Variants in KDELR2 observed in about 807,000 individuals in gnomAD.
The protein encoded by KDELR2 is ER lumen protein-retaining receptor 2.
A neutral mutation model predicts 23.9 loss-of-function variants in KDELR2; 15 were observed. The ratio of observed to expected loss-of-function variants is 0.63; its 90% CI spans 0.42 to 0.97. The LOEUF (loss-of-function observed/expected upper bound fraction) is 0.97, where lower values mean the gene tolerates loss of function less well. KDELR2 is among the 50% of genes least tolerant of loss of function. The pLI, the probability that KDELR2 is intolerant of heterozygous loss-of-function variation, is 0.00. For missense variants in KDELR2, 272 were observed against 254.6 expected (o/e 1.07, Z -0.46); for synonymous variants, 119 against 106.2 (o/e 1.12, Z -0.74).
In KDELR2 at chr7:6,462,385, G is replaced by A. The variant is rs1785407818; in HGVS notation, c.*756C>T. On this transcript the variant is annotated 3_prime_UTR_variant, in exon 5 of 5. Transcript: ENST00000258739. Reference sequence around the variant, plus strand: ...ACCCCTCCCATCCCACACTCAGATGGAAAGCAGCCAGAACCCCTGCCACTG... The same window carrying A: ...ACCCCTCCCATCCCACACTCAGATGAAAAGCAGCCAGAACCCCTGCCACTG... The A allele has an allele frequency of 6.5e-6, 1 of 152,796 alleles. No individual in the cohort carries two copies. The highest frequency in any genetic ancestry group is 2.1e-4 in the South Asian group (1 of 4,842). 9.5% of individuals were successfully genotyped at this position (152,796 alleles called of 1,614,324 possible).
chr7:6,466,739 G>A (rs954876871), intron 3 of KDELR2, among the ~76,000 whole-genome samples: 2 of 151,600 alleles, frequency 1.3e-5, no homozygotes, highest in Non-Finnish European at 2.9e-5. Context: ...CAGATCATCA[G>A]GCATTAGATT....
chr7:6,473,082 A>ATTTTTTT (rs1206035683), intron 2 of KDELR2, among the ~76,000 whole-genome samples: 3 of 94,888 alleles, frequency 3.2e-5, no homozygotes, highest in Non-Finnish European at 5.8e-5. Flanking sequence ...TAATTTTTGT[A>ATTTTTTT]TTTTTTTTTT....
At chr7:6,470,692 C>A (rs960053985) in intron 2 of KDELR2, among the ~76,000 whole-genome samples, 2 of 152,102 alleles carry the variant, frequency 1.3e-5, no homozygotes, top group African/African-American at 4.8e-5. Flanking sequence ...AGGAGGTACT[C>A]CTTATAATTT....
At chr7:6,471,421 C>A (rs1785639212) in intron 2 of KDELR2, among the ~76,000 whole-genome samples, 1 of 152,066 alleles carries the variant, frequency 6.6e-6, no homozygotes, top group Non-Finnish European at 1.5e-5. Flanking sequence ...CTCAGGTGAT[C>A]TGCCTGCCTC....
Position 6,462,869 on chromosome 7 carries a change from A to G in KDELR2, c.*272T>C. ...AATCTTCACTTTTGGAACTATCCCAATTGAAGCTACACACTGAATTTATTA... is the reference window on the plus strand; with the variant it reads ...AATCTTCACTTTTGGAACTATCCCAGTTGAAGCTACACACTGAATTTATTA... On this transcript the variant is annotated 3_prime_UTR_variant, in exon 5 of 5. Coordinates refer to ENST00000258739, the MANE Select transcript of KDELR2 (RefSeq NM_006854.4). The G allele has an allele frequency of 9.3e-7, 1 of 1,077,688 alleles. No homozygotes were observed. Among genetic ancestry groups the G allele is most frequent in the Non-Finnish European group, 1.3e-6 (1 of 770,626 alleles). The allele number at this position is 1,077,688 out of a possible 1,614,324, so 66.8% of individuals were successfully genotyped here.
chr7:6,463,488 T>C (rs545204805), intron 4 of KDELR2, among the ~76,000 whole-genome samples: 1 of 152,022 alleles, frequency 6.6e-6, no homozygotes, highest in African/African-American at 2.4e-5. Context: ...CCCAGTACTT[T>C]GGCAGGCCAG....
chr7:6,464,862 A>G (rs545294424), intron 4 of KDELR2, among the ~76,000 whole-genome samples: 72 of 151,460 alleles, frequency 4.8e-4, no homozygotes, highest in African/African-American at 1.7e-3. Flanking sequence ...CAGCCCCCCA[A>G]GTAGCTGGGA....
intron 1 of KDELR2, chr7:6,482,472 C>A: frequency 2.4e-6 from 1 of 419,084 alleles, no homozygotes; most frequent in African/African-American, 2.1e-5. Flanking sequence ...GAGAGATAAC[C>A]TCCAAGTCAA....
In KDELR2 at chr7:6,462,107, G is replaced by A. The variant is rs755956044; in HGVS notation, c.*1034C>T. 17 of 151,978 alleles carry A rather than the reference G, an allele frequency of 1.1e-4. No homozygotes were observed. Among genetic ancestry groups the A allele is most frequent in the Non-Finnish European group, 2.1e-4 (14 of 68,012 alleles). 9.4% of individuals were successfully genotyped at this position (151,978 alleles called of 1,614,324 possible). On this transcript the variant is annotated 3_prime_UTR_variant, in exon 5 of 5. Transcript: ENST00000258739. ...AAAACAAAACAAAACAAGAAACTAC[G>A]ATGTCGGCTGCGGGTTAAATAAAAA...
At chr7:6,473,990 A>G (rs1785705036) in intron 2 of KDELR2, 194 bp downstream of exon 2, 1 of 435,174 alleles carries the variant, frequency 2.3e-6, no homozygotes, top group Non-Finnish European at 4.1e-6. Flanking sequence ...GAAACCAAAA[A>G]TGTATGCTTA....
intron 2 of KDELR2, among the ~76,000 whole-genome samples, chr7:6,471,704 T>G (rs1349425638): frequency 6.6e-6 from 1 of 152,188 alleles, no homozygotes; most frequent in Non-Finnish European, 1.5e-5. Context: ...CTGCGTCCAT[T>G]GGTGGTCCAT....
In KDELR2 at chr7:6,469,465, C is replaced by T. The variant is rs1018881209; in HGVS notation, c.351+131G>A. On this transcript the variant is annotated intron_variant, in intron 3 of 4. Transcript: ENST00000258739. ...AGAGACGGTGTTGCACCATGTTGGC[C>T]AGGCTGGTCTCGAACTCCTGACCTC... The T allele has an allele frequency of 3.9e-6, 3 of 760,294 alleles. No homozygotes were observed. The East Asian group carries it at 7.7e-5, about 20-fold the overall frequency. 47.1% of individuals were successfully genotyped at this position (760,294 alleles called of 1,614,324 possible).
chr7:6,471,992 C>T (rs372949739), intron 2 of KDELR2, among the ~76,000 whole-genome samples: 1 of 152,044 alleles, frequency 6.6e-6, no homozygotes, highest in African/African-American at 2.4e-5. Context: ...CCTCCGCTTC[C>T]CGGGTTCAAG....
chr7:6,484,063 CGGCGGCGGT>C lies in KDELR2; in HGVS notation c.-15_-7del, dbSNP rs1348960933. ...GTCAGCCGGAAAATGTTCATGGCGG[CGGCGGCGGT>C]GGCGGTCGGCGCAGCGCGGCGGCCC... On this transcript the variant is annotated 5_prime_UTR_variant, in exon 1 of 5. Transcript: ENST00000258739. The C allele has an allele frequency of 1.3e-6, 2 of 1,492,900 alleles. No homozygotes were observed. Among genetic ancestry groups the C allele is most frequent in the African/African-American group, 1.4e-5 (1 of 69,016 alleles). 92.5% of individuals were successfully genotyped at this position (1,492,900 alleles called of 1,614,324 possible).
intron 4 of KDELR2, among the ~76,000 whole-genome samples, chr7:6,463,562 C>G (rs1785431747): frequency 6.6e-6 from 1 of 151,470 alleles, no homozygotes; most frequent in African/African-American, 2.4e-5. Context: ...TGAGAGCGAC[C>G]CCATCTCTAT....
rs1048766629 is a variant in KDELR2, at chr7:6,462,119, G to A, written c.*1022C>T. The A allele has an allele frequency of 3.3e-5, 5 of 151,986 alleles. No individual in the cohort carries two copies. Among genetic ancestry groups the A allele is most frequent in the East Asian group, 1.9e-4 (1 of 5,200 alleles). 9.4% of individuals were successfully genotyped at this position (151,986 alleles called of 1,614,324 possible). On this transcript the variant is annotated 3_prime_UTR_variant, in exon 5 of 5. Coordinates refer to ENST00000258739, the MANE Select transcript of KDELR2 (RefSeq NM_006854.4). ...AACAAGAAACTACGATGTCGGCTGC[G>A]GGTTAAATAAAAAGAAAACCACACA...
chr7:6,464,197 C>CAAAAAAAAA lies in KDELR2; in HGVS notation c.605-1031_605-1023dup, dbSNP rs758537707. On this transcript the variant is annotated intron_variant, in intron 4 of 4. Coordinates refer to ENST00000258739, the MANE Select transcript of KDELR2 (RefSeq NM_006854.4). ...GGGCAACAAGAGCAAAACTCTGTCTCAAAAAAAAAAAAAAAAAAAAAAAAA... is the reference window on the plus strand; with the variant it reads ...GGGCAACAAGAGCAAAACTCTGTCTCAAAAAAAAAAAAAAAAAAAAAAAAAAAAAAAAAA... 1.3e-4 allele frequency among the ~76,000 whole-genome samples: 5 copies of CAAAAAAAAA among 38,764 alleles called. 1 individual carries two copies. Among genetic ancestry groups the CAAAAAAAAA allele is most frequent in the East Asian group, 1.9e-3 (1 of 530 alleles). The allele number at this position is 38,764 out of a possible 152,430, so 25.4% of individuals were successfully genotyped here. A position where few individuals can be genotyped will look rare whatever the true frequency, so the allele number is the denominator to read the frequency against.
chr7:6,477,314 C>G (rs1213838665), intron 1 of KDELR2, among the ~76,000 whole-genome samples: 4 of 152,174 alleles, frequency 2.6e-5, no homozygotes, highest in Non-Finnish European at 5.9e-5. Flanking sequence ...CAGCTTCTTC[C>G]TTTAAAACAA....
At chr7:6,475,519 A>G (rs7799635) in intron 1 of KDELR2, among the ~76,000 whole-genome samples, 38,263 of 152,152 alleles carry the variant, frequency 0.25, 4,976 homozygotes, top group Admixed American at 0.32. Context: ...ATGAACCCAC[A>G]ACTACAGCTG....
Sources: allele counts gnomAD v4.1 joint callset (sites outside exome capture counted in the v4.1 genomes callset), GRCh38; gene constraint gnomAD v4.1.1; transcripts MANE v1.5; gene names NCBI Gene and HGNC (gene_info 2026-07-23, HGNC 2026-07-21).